NAV3: variants seen among roughly 807,000 people sequenced by gnomAD.
NAV3 encodes pore membrane and/or filament interacting like protein 1.
Under a neutral mutation model 244.7 loss-of-function variants are expected in NAV3, and 87 were observed. That is an observed-to-expected ratio of 0.36 (90% CI 0.30 to 0.42). NAV3 has a LOEUF of 0.42. Among genes scored for constraint, NAV3 ranks in the 20% least tolerant of loss-of-function variants. The pLI is 1.00. For synonymous variants in NAV3, 1,126 were observed against 1,042.2 expected (o/e 1.08, Z -1.55); for missense variants, 2,663 against 2,893.3 (o/e 0.92, Z 1.83).
chr12:77,833,911 C>T (rs1292796486), intron 1 of NAV3, among the ~76,000 whole-genome samples: 1 of 152,136 alleles, frequency 6.6e-6, no homozygotes, highest in Non-Finnish European at 1.5e-5. Flanking sequence ...AGTCGATGGC[C>T]TGCCGGTGTC....
At chr12:77,643,121 A>G (rs1336514769) in intron 2 of NAV3, among the ~76,000 whole-genome samples, 3 of 151,906 alleles carry the variant, frequency 2.0e-5, no homozygotes, top group Non-Finnish European at 4.4e-5. Context: ...ACATATTCTC[A>G]TACTCTATAA....
intron 1 of NAV3, among the ~76,000 whole-genome samples, chr12:77,847,522 A>C (rs370610318): frequency 1.3e-5 from 2 of 152,294 alleles, no homozygotes; most frequent in South Asian, 2.1e-4. Flanking sequence ...GCAACAGGGC[A>C]GAGGATCCAA....
intron 2 of NAV3, among the ~76,000 whole-genome samples, chr12:77,684,434 G>GCT (rs1392856645): frequency 1.3e-5 from 2 of 151,850 alleles, no homozygotes; most frequent in East Asian, 3.9e-4. Flanking sequence ...TCTTGTCCAG[G>GCT]CTAGAGTCCA....
intron 6 of NAV3, among the ~76,000 whole-genome samples, chr12:77,997,655 TCTC>T (rs1334991171): frequency 1.3e-5 from 2 of 152,220 alleles, no homozygotes; most frequent in African/African-American, 4.8e-5. Context: ...TCTTGTCACG[TCTC>T]CTCTGTGATC....
chr12:77,976,520 GT>G (rs78616795), intron 5 of NAV3, among the ~76,000 whole-genome samples: 37,673 of 151,812 alleles, frequency 0.25, 4,966 homozygotes, highest in South Asian at 0.33. Flanking sequence ...TGCAGAAAGC[GT>G]TCAATGGAGA....
chr12:77,573,333 G>T (rs17188201), intron 2 of NAV3, among the ~76,000 whole-genome samples: 1 of 151,990 alleles, frequency 6.6e-6, no homozygotes, highest in South Asian at 2.1e-4. Flanking sequence ...AATGCAACTG[G>T]CATGGGGCTA....
chr12:77,665,667 G>A (rs1873680325), intron 2 of NAV3, among the ~76,000 whole-genome samples: 1 of 152,032 alleles, frequency 6.6e-6, no homozygotes, highest in African/African-American at 2.4e-5. Context: ...CAGGCTTAAA[G>A]CATCATTTCA....
chr12:77,940,591 G>A (rs1889773300), intron 2 of NAV3, among the ~76,000 whole-genome samples, 155 bp downstream of exon 2: 2 of 152,164 alleles, frequency 1.3e-5, no homozygotes, highest in African/African-American at 4.8e-5. Context: ...ATATGAGGAT[G>A]TTTGAAAAAG....
At chr12:77,663,042 C>A (rs915365581) in intron 2 of NAV3, among the ~76,000 whole-genome samples, 3 of 152,248 alleles carry the variant, frequency 2.0e-5, no homozygotes, top group Non-Finnish European at 4.4e-5. Flanking sequence ...AATAATACAT[C>A]TATTTAATTT....
rs377403658 is a variant in NAV3 at position 77,889,808 on chromosome 12, G to A, written c.244-50511G>A. Among the ~76,000 whole-genome samples, 136 of 152,244 alleles carry A rather than the reference G, an allele frequency of 8.9e-4. 3 individuals are homozygous for A. The South Asian group carries it at 0.027, about 30-fold the overall frequency. ...GAAAGAAGATACTAGTTGAAGACTA[G>A]CATATTTTAGCATAAGAAAATATGT... On this transcript the variant is annotated intron_variant, in intron 1 of 39. Transcript: ENST00000397909.
chr12:77,888,788 T>C (rs149918042), intron 1 of NAV3, among the ~76,000 whole-genome samples: 54 of 152,278 alleles, frequency 3.5e-4, no homozygotes, highest in African/African-American at 1.2e-3. Flanking sequence ...TTCTAAGTCT[T>C]CAAATGTTTT....
intron 1 of NAV3, among the ~76,000 whole-genome samples, chr12:77,910,712 A>G (rs564558527): frequency 6.6e-6 from 1 of 152,234 alleles, no homozygotes; most frequent in Admixed American, 6.5e-5. Context: ...GCATCCAAAC[A>G]AGTCAGCCCT....
At chr12:77,687,480 A>G (rs960712872) in intron 2 of NAV3, among the ~76,000 whole-genome samples, 3 of 152,124 alleles carry the variant, frequency 2.0e-5, no homozygotes, top group Non-Finnish European at 4.4e-5. Flanking sequence ...TCCAAGATCT[A>G]AAATGCCTGA....
At chr12:78,165,499 G>T (rs565651482) in intron 23 of NAV3, among the ~76,000 whole-genome samples, 3 of 151,732 alleles carry the variant, frequency 2.0e-5, no homozygotes, top group African/African-American at 7.2e-5. Context: ...GAAATTGTAT[G>T]AAAATATTTT....
intron 1 of NAV3, among the ~76,000 whole-genome samples, chr12:77,905,455 G>A (rs1885868084): frequency 6.6e-6 from 1 of 152,052 alleles, no homozygotes; most frequent in South Asian, 2.1e-4. Flanking sequence ...TGAGTCCAGT[G>A]ACCCTCACTT....
intron 18 of NAV3, among the ~76,000 whole-genome samples, chr12:78,135,307 A>G (rs1956326882): frequency 6.6e-6 from 1 of 152,218 alleles, no homozygotes; most frequent in South Asian, 2.1e-4. Flanking sequence ...GATCTGTCAT[A>G]GTTATTAACT....
intron 15 of NAV3, 73 bp downstream of exon 15, chr12:78,120,018 A>C: frequency 9.1e-7 from 1 of 1,098,026 alleles, no homozygotes; most frequent in Non-Finnish European, 1.3e-6. Flanking sequence ...TTACATATAA[A>C]TGTGTGTATA....
At chr12:77,722,107 C>A (rs991220742) in intron 2 of NAV3, among the ~76,000 whole-genome samples, 12 of 152,134 alleles carry the variant, frequency 7.9e-5, no homozygotes, top group Admixed American at 6.6e-4. Flanking sequence ...AAAAAAGCAA[C>A]GAAGCCCACA....
chr12:77,961,540 CTG>C (rs938727767), intron 3 of NAV3, among the ~76,000 whole-genome samples: 4 of 141,856 alleles, frequency 2.8e-5, no homozygotes, highest in Non-Finnish European at 3.0e-5. Context: ...TAATATATAA[CTG>C]TATATGTAAT....
Sources: gnomAD v4.1 joint callset for allele counts (sites outside exome capture counted in the v4.1 genomes callset) on GRCh38, gnomAD v4.1.1 for gene constraint, MANE v1.5 for transcripts, NCBI Gene and HGNC (gene_info 2026-07-23, HGNC 2026-07-21) for gene names.